Variants in CLMN observed in about 807,000 individuals in gnomAD.
CLMN encodes the protein calmin (calponin-like, transmembrane).
CLMN carries 57 observed loss-of-function variants against 92.7 expected under a neutral mutation model. That is an observed-to-expected ratio of 0.61 (90% CI 0.50 to 0.77). CLMN has a LOEUF of 0.77. Ranked by LOEUF, CLMN falls within the 30% of genes least tolerant of loss-of-function variation. CLMN has a pLI of 0.00. For synonymous variants in CLMN, 466 were observed against 470.6 expected, an observed-to-expected ratio of 0.99 and a Z score of 0.13; for missense variants, 1,158 against 1,237.5, an observed-to-expected ratio of 0.94 and a Z score of 0.96.
chr14:95,266,263 C>T (rs1410788914), intron 1 of CLMN, among the ~76,000 whole-genome samples: 1 of 152,158 alleles, frequency 6.6e-6, no homozygotes, highest in Non-Finnish European at 1.5e-5. Context: ...GTCAAGTTAT[C>T]CTTGTCTTTA....
At chr14:95,243,832 TG>T (rs1898354479) in intron 1 of CLMN, among the ~76,000 whole-genome samples, 1 of 151,878 alleles carries the variant, frequency 6.6e-6, no homozygotes, top group Non-Finnish European at 1.5e-5. Context: ...GCTTCTGATA[TG>T]GTTTGGATTT....
Position 95,238,719 on chromosome 14 carries a change from G to A in CLMN, c.83-8586C>T, listed in dbSNP as rs146479221. On this transcript the variant is annotated intron_variant, in intron 1 of 12. Transcript: ENST00000298912. ...ACAGAGTGAGTAACCTGCTCCAGCC[G>A]GCACAAACCGGTGGTCTCCCCAATA... is the stretch of plus-strand genomic sequence containing the variant. Among the ~76,000 whole-genome samples the A allele has an allele frequency of 2.9e-3, 446 of 152,176 alleles. 3 individuals carry two copies. The highest frequency in any genetic ancestry group is 9.7e-3 in the African/African-American group (403 of 41,510).
intron 1 of CLMN, among the ~76,000 whole-genome samples, chr14:95,286,000 A>G (rs1156366456): frequency 6.6e-6 from 1 of 152,180 alleles, no homozygotes; most frequent in African/African-American, 2.4e-5. Context: ...ACCTATGGGA[A>G]GTGGAGGAGG....
At chr14:95,275,329 A>C (rs1338444987) in intron 1 of CLMN, among the ~76,000 whole-genome samples, 1 of 152,172 alleles carries the variant, frequency 6.6e-6, no homozygotes, top group East Asian at 1.9e-4. Context: ...GGATGCTGTA[A>C]GGAGGTTGGC....
chr14:95,190,070 T>C lies in CLMN; in HGVS notation c.*1494A>G, dbSNP rs1004136311. 1 of 152,198 alleles carries C rather than the reference T, an allele frequency of 6.6e-6. No individual in the cohort carries two copies. Among genetic ancestry groups the C allele is most frequent in the Non-Finnish European group, 1.5e-5 (1 of 68,028 alleles). 9.4% of individuals were successfully genotyped at this position (152,198 alleles called of 1,614,324 possible). A position where few individuals can be genotyped will look rare whatever the true frequency, so the allele number is the denominator to read the frequency against. ...GTCAAATGACAAGCTGTTGCAGCTG[T>C]CAAGGGTATTTCAGAAGGAATTGGG... On this transcript the variant is annotated 3_prime_UTR_variant, in exon 13 of 13. Transcript: ENST00000298912.
intron 1 of CLMN, among the ~76,000 whole-genome samples, chr14:95,286,446 AAGC>A (rs1900345339): frequency 6.6e-6 from 1 of 152,184 alleles, no homozygotes. Flanking sequence ...TAGAGACAGA[AAGC>A]AGTTTAGTGG....
At chr14:95,206,341 C>T (rs752726798) in intron 8 of CLMN, among the ~76,000 whole-genome samples, 11 of 151,850 alleles carry the variant, frequency 7.2e-5, no homozygotes, top group Admixed American at 6.6e-5. Context: ...ACATTTCTCT[C>T]CTGCATTAAT....
intron 1 of CLMN, among the ~76,000 whole-genome samples, chr14:95,258,332 ATGTGTGG>A (rs936545977): frequency 1.5e-5 from 2 of 131,292 alleles, no homozygotes; most frequent in African/African-American, 5.8e-5. Flanking sequence ...GTGTATGTGT[ATGTGTGG>A]TGTGTGGTGT....
intron 1 of CLMN, among the ~76,000 whole-genome samples, chr14:95,309,513 C>T (rs1901435304): frequency 6.6e-6 from 1 of 152,224 alleles, no homozygotes; most frequent in African/African-American, 2.4e-5. Flanking sequence ...GGCCACAGGG[C>T]ATAGATGAGA....
At chr14:95,245,849 T>C (rs1160625162) in intron 1 of CLMN, among the ~76,000 whole-genome samples, 4 of 144,088 alleles carry the variant, frequency 2.8e-5, no homozygotes, top group African/African-American at 1.1e-4. Context: ...GGTGGGTGGA[T>C]TGCTGGATGG....
intron 1 of CLMN, among the ~76,000 whole-genome samples, chr14:95,240,953 A>G (rs1452336683): frequency 1.3e-5 from 2 of 152,146 alleles, no homozygotes; most frequent in African/African-American, 4.8e-5. Flanking sequence ...TTTGTGAAGT[A>G]TCTGTTTCAT....
chr14:95,281,671 C>T (rs1595091697), intron 1 of CLMN, among the ~76,000 whole-genome samples: 1 of 152,152 alleles, frequency 6.6e-6, no homozygotes, highest in East Asian at 1.9e-4. Flanking sequence ...AGCTTGGTTC[C>T]AACAATAGCC....
chr14:95,232,777 C>T (rs1897930501), intron 1 of CLMN, among the ~76,000 whole-genome samples: 1 of 152,140 alleles, frequency 6.6e-6, no homozygotes, highest in Non-Finnish European at 1.5e-5. Flanking sequence ...TATCGGAGAT[C>T]CTTCCACTTT....
chr14:95,194,719 G>A lies in CLMN; in HGVS notation c.2709-123C>T, dbSNP rs1595551256. 4 of 829,346 alleles carry A rather than the reference G, an allele frequency of 4.8e-6. No homozygotes were observed. The Admixed American group carries it at 8.2e-5, about 17-fold the overall frequency. The allele number at this position is 829,346 out of a possible 1,614,324, so 51.4% of individuals were successfully genotyped here. A position where few individuals can be genotyped will look rare whatever the true frequency, so the allele number is the denominator to read the frequency against. On this transcript the variant is annotated intron_variant, in intron 10 of 12. Coordinates refer to ENST00000298912, the MANE Select transcript of CLMN (RefSeq NM_024734.4). This position sits in a 1 kb window ranked among gnomAD's most constrained non-coding sequence, Gnocchi z 4.0. ...TAGGCAAGCGACAACTTCACAGCCA[G>A]GGACAGAAATGACAGATTTTATATC...
intron 1 of CLMN, among the ~76,000 whole-genome samples, chr14:95,258,995 G>A (rs978441262): frequency 2.8e-4 from 42 of 150,586 alleles, no homozygotes; most frequent in African/African-American, 1.0e-3. Flanking sequence ...CGTGGAGAGT[G>A]TGTTTGTATG....
At chr14:95,240,367 T>C (rs1404299864) in intron 1 of CLMN, among the ~76,000 whole-genome samples, 1 of 152,076 alleles carries the variant, frequency 6.6e-6, no homozygotes, top group Non-Finnish European at 1.5e-5. Context: ...TTCCAGCTAG[T>C]AGAACATGGG....
chr14:95,246,905 C>G (rs1020310418), intron 1 of CLMN, among the ~76,000 whole-genome samples: 1 of 152,186 alleles, frequency 6.6e-6, no homozygotes, highest in Non-Finnish European at 1.5e-5. Context: ...CCAGCTGCAA[C>G]CTTAACTGCT....
At chr14:95,303,362 T>C (rs1595115193) in intron 1 of CLMN, among the ~76,000 whole-genome samples, 1 of 152,190 alleles carries the variant, frequency 6.6e-6, no homozygotes, top group Non-Finnish European at 1.5e-5. Flanking sequence ...TCACAACAAG[T>C]GCACGATGGT....
Position 95,194,501 on chromosome 14 carries a change from G to C in CLMN, c.2769+35C>G, listed in dbSNP as rs886066569. ...GGATGGAAAGGAATTGATTAGCAGG[G>C]GCCGTGCGGAAAGAGAAGAAATTCA... On this transcript the variant is annotated intron_variant, in intron 11 of 12. Coordinates refer to ENST00000298912, the MANE Select transcript of CLMN (RefSeq NM_024734.4). This position sits in a 1 kb window ranked among gnomAD's most constrained non-coding sequence, Gnocchi z 4.0. The C allele has an allele frequency of 1.2e-5, 20 of 1,613,824 alleles. No individual in the cohort carries two copies. The highest frequency in any genetic ancestry group is 1.7e-5 in the Non-Finnish European group (20 of 1,179,832).
Sources: allele counts gnomAD v4.1 joint callset (sites outside exome capture counted in the v4.1 genomes callset), GRCh38; gene constraint gnomAD v4.1.1; non-coding constraint Gnocchi (gnomAD v3.1); transcripts MANE v1.5; gene names NCBI Gene and HGNC (gene_info 2026-07-23, HGNC 2026-07-21).